The following TBC1D1 variants were observed in gnomAD, a reference collection of about 807,000 sequenced individuals.
TBC1D1 encodes the protein TBC1 domain family member 1, also known as TBC1 (tre-2/USP6, BUB2, cdc16) domain family, member 1.
In TBC1D1, 89 loss-of-function variants were observed where a neutral mutation model predicts 125.6. The ratio of observed to expected loss-of-function variants is 0.71; its 90% confidence interval spans 0.60 to 0.85. The LOEUF is 0.85. TBC1D1 is among the 40% of genes least tolerant of loss of function. The pLI is 0.00. For synonymous variants in TBC1D1, 565 were observed against 564.1 expected (o/e 1.00, Z -0.02); for missense variants, 1,377 against 1,469.2 (o/e 0.94, Z 1.03).
chr4:37,918,148 A>G (rs948380876), intron 2 of TBC1D1, among the ~76,000 whole-genome samples: 4 of 152,224 alleles, frequency 2.6e-5, no homozygotes, highest in Non-Finnish European at 5.9e-5. Flanking sequence ...TGTGATTTCC[A>G]TTCTCAAAGC....
At chr4:38,086,739 TA>T (rs1316985866) in intron 12 of TBC1D1, among the ~76,000 whole-genome samples, 1 of 151,846 alleles carries the variant, frequency 6.6e-6, no homozygotes, top group Non-Finnish European at 1.5e-5. Context: ...AAATAGAGAG[TA>T]AAGCTGCAGC....
At chr4:38,126,468 C>G (rs1219618700) in intron 18 of TBC1D1, among the ~76,000 whole-genome samples, 1 of 152,200 alleles carries the variant, frequency 6.6e-6, no homozygotes, top group Non-Finnish European at 1.5e-5. Context: ...GCAGCCACAC[C>G]TTAGGTGTTA....
Position 38,090,009 on chromosome 4 carries a change from C to T in TBC1D1, c.2128C>T (p.Pro710Ser). 1.9e-6 allele frequency: 3 copies of T among 1,614,088 alleles called. No homozygotes were observed. Among genetic ancestry groups the T allele is most frequent in the Non-Finnish European group, 2.5e-6 (3 of 1,179,982 alleles). The change falls in exon 13 of 20, where the codon CCA becomes TCA. Residue 710 changes from proline to serine, a missense_variant. Coordinates refer to ENST00000261439, the MANE Select transcript of TBC1D1 (RefSeq NM_015173.4). ...TGAAGATGGGCCCTTTGGCCCCCCA[C>T]CAGAGGAAAAGAAAAGGACATCTCG...
In TBC1D1 at chr4:38,093,337, C is replaced by T. The variant is rs75955775; in HGVS notation, c.2237-2592C>T. Among the ~76,000 whole-genome samples the T allele has an allele frequency of 3.3e-5, 5 of 152,244 alleles. No homozygotes were observed. In the East Asian group the frequency reaches 7.7e-4, roughly 24 times the overall value. The stretch of plus-strand genomic sequence containing the variant: ...ATATTTTTTACTATTCTGGAAGCAT[C>T]GCATTCTGGAAAGAACCATACTATG... On this transcript the variant is annotated intron_variant, in intron 13 of 19. Transcript: ENST00000261439.
chr4:38,037,829 G>A (rs920957155), intron 8 of TBC1D1, among the ~76,000 whole-genome samples: 1 of 152,198 alleles, frequency 6.6e-6, no homozygotes, highest in African/African-American at 2.4e-5. Flanking sequence ...CAGAGGAGTT[G>A]TGAAATAGAA....
intron 2 of TBC1D1, among the ~76,000 whole-genome samples, chr4:37,979,583 T>G (rs62298543): frequency 0.12 from 17,523 of 152,212 alleles, 1,074 homozygotes; most frequent in Middle Eastern, 0.2. Context: ...TATATTTGAC[T>G]TCAGAATGCC....
At chr4:38,120,569 A>G (rs1560263820) in intron 17 of TBC1D1, among the ~76,000 whole-genome samples, 1 of 152,202 alleles carries the variant, frequency 6.6e-6, no homozygotes, top group Non-Finnish European at 1.5e-5. Context: ...ACTAAGTAAA[A>G]TATTTCAGTT....
chr4:38,035,801 C>G (rs1381476365), intron 8 of TBC1D1, 103 bp downstream of exon 8: 2 of 833,374 alleles, frequency 2.4e-6, no homozygotes, highest in African/African-American at 3.5e-5. Flanking sequence ...TTTTTTTCTC[C>G]CTATGTTTTA....
intron 5 of TBC1D1, chr4:38,020,931 A>G (rs1477500412): frequency 5.6e-6 from 2 of 355,552 alleles, no homozygotes; most frequent in African/African-American, 2.1e-5. Flanking sequence ...CTGGTCTAGC[A>G]TTTTACAATG....
At chr4:38,112,515 G>A (rs903640235) in intron 15 of TBC1D1, among the ~76,000 whole-genome samples, 2 of 152,126 alleles carry the variant, frequency 1.3e-5, no homozygotes, top group African/African-American at 4.8e-5. Flanking sequence ...GGCATTGTAC[G>A]TGTACTCTCC....
intron 2 of TBC1D1, among the ~76,000 whole-genome samples, chr4:37,916,393 A>T (rs1719741256): frequency 6.6e-6 from 1 of 151,988 alleles, no homozygotes; most frequent in South Asian, 2.1e-4. Context: ...ACATCTTTTT[A>T]TGGTGATAGA....
rs976119370 is a variant in TBC1D1, at chr4:37,959,210, C to T, written c.418-55299C>T. Among the ~76,000 whole-genome samples the T allele has an allele frequency of 4.6e-5, 7 of 152,280 alleles. No homozygotes were observed. The East Asian group carries it at 9.6e-4, about 21-fold the overall frequency. On this transcript the variant is annotated intron_variant, in intron 2 of 19. Coordinates refer to ENST00000261439, the MANE Select transcript of TBC1D1 (RefSeq NM_015173.4). ...TGCATAGTCGAAAATCCACCTATAA[C>T]CTTTGACTCCCAAAAAGCTTAACCG...
At chr4:37,926,360 C>T (rs1193352731) in intron 2 of TBC1D1, among the ~76,000 whole-genome samples, 1 of 152,228 alleles carries the variant, frequency 6.6e-6, no homozygotes, top group African/African-American at 2.4e-5. Context: ...AGCCATATGG[C>T]ACCTCTGTAC....
At chr4:37,916,717 C>A (rs767498127) in intron 2 of TBC1D1, among the ~76,000 whole-genome samples, 5 of 152,102 alleles carry the variant, frequency 3.3e-5, no homozygotes, top group Non-Finnish European at 7.4e-5. Context: ...AGTCTTTTAA[C>A]AACGGGAGGG....
intron 8 of TBC1D1, among the ~76,000 whole-genome samples, chr4:38,039,406 C>T (rs1319229528): frequency 6.6e-6 from 1 of 151,922 alleles, no homozygotes; most frequent in East Asian, 1.9e-4. Context: ...TGTGAGCCAC[C>T]GCGCCTGGCC....
At chr4:37,991,320 G>A (rs1381787058) in intron 2 of TBC1D1, among the ~76,000 whole-genome samples, 1 of 152,206 alleles carries the variant, frequency 6.6e-6, no homozygotes, top group Non-Finnish European at 1.5e-5. Context: ...GGGTGTGGGT[G>A]TTAAGAACAG....
At chr4:38,057,474 C>G (rs1751938555) in intron 12 of TBC1D1, among the ~76,000 whole-genome samples, 1 of 152,198 alleles carries the variant, frequency 6.6e-6, no homozygotes, top group Admixed American at 6.5e-5. Context: ...GGCTCAGATT[C>G]TTGCAAACTT....
chr4:37,908,549 A>C (rs189171483), intron 2 of TBC1D1, among the ~76,000 whole-genome samples: 1 of 152,284 alleles, frequency 6.6e-6, no homozygotes, highest in East Asian at 1.9e-4. Context: ...CGCACTCGAA[A>C]TATGTCATGG....
At chr4:37,929,808 A>G (rs1000135210) in intron 2 of TBC1D1, among the ~76,000 whole-genome samples, 1 of 152,190 alleles carries the variant, frequency 6.6e-6, no homozygotes, top group African/African-American at 2.4e-5. Context: ...GCAGCCAACT[A>G]AACGATATTA....
Sources: allele counts gnomAD v4.1 joint callset (sites outside exome capture counted in the v4.1 genomes callset), GRCh38; gene constraint gnomAD v4.1.1; transcripts MANE v1.5; gene names NCBI Gene and HGNC (gene_info 2026-07-23, HGNC 2026-07-21).